BTG4: variants seen among roughly 807,000 people sequenced by gnomAD.
BTG4 encodes the protein BTG anti-proliferation factor 4, also known as protein BTG4.
BTG4 carries 10 observed loss-of-function variants against 19.3 expected under a neutral mutation model. The ratio of observed to expected loss-of-function variants is 0.52; its 90% CI spans 0.32 to 0.88. BTG4 has a LOEUF of 0.88. BTG4 is among the 40% of genes least tolerant of loss of function. The pLI, the probability that BTG4 is intolerant of heterozygous loss-of-function variation, is 0.04. For synonymous variants in BTG4, 91 were observed against 95.7 expected, an observed-to-expected ratio of 0.95 and a Z score of 0.29; for missense variants, 238 against 281.9, an observed-to-expected ratio of 0.84 and a Z score of 1.11.
the BTG4 span, among the ~76,000 whole-genome samples, chr11:111,401,208 C>A: frequency 6.6e-6 from 1 of 151,988 alleles, no homozygotes; most frequent in Admixed American, 6.6e-5. Flanking sequence ...AAGCTGGGGC[C>A]AGGCGCAGTG....
Position 111,471,885 on chromosome 11 carries a change from T to C in BTG4, c.663-4204A>G, listed in dbSNP as rs76109794. 1.2e-3 allele frequency among the ~76,000 whole-genome samples: 183 copies of C among 152,290 alleles called. 5 individuals are homozygous for C. The East Asian group carries it at 0.029, about 24-fold the overall frequency. On this transcript the variant is annotated intron_variant, in intron 5 of 5. Transcript: ENST00000356018. ...TGATAGAAACTGTTCTTCAGGTTTT[T>C]CAGGCCAAAGCATCCCTTGAAACTC...
the BTG4 span, among the ~76,000 whole-genome samples, chr11:111,413,325 G>C: frequency 6.6e-6 from 1 of 152,222 alleles, no homozygotes; most frequent in Non-Finnish European, 1.5e-5. Context: ...GCCCCATCCA[G>C]TTCCACTGAA....
At chr11:111,460,479 A>G in the BTG4 span, 1 of 152,376 alleles carries the variant, frequency 6.6e-6, no homozygotes, top group Admixed American at 6.5e-5. Flanking sequence ...ATACAAGGAC[A>G]ACTAGATAGG....
the BTG4 span, among the ~76,000 whole-genome samples, chr11:111,405,141 C>T: frequency 4.6e-5 from 7 of 152,266 alleles, no homozygotes; most frequent in South Asian, 1.4e-3. Flanking sequence ...CGCGGTGGCT[C>T]ATGCCTGTAA....
At chr11:111,473,002 C>T (rs566987496) in intron 5 of BTG4, among the ~76,000 whole-genome samples, 1 of 151,976 alleles carries the variant, frequency 6.6e-6, no homozygotes, top group Admixed American at 6.6e-5. Flanking sequence ...CATCATCTCA[C>T]TTAATCTTCT....
the BTG4 span, among the ~76,000 whole-genome samples, chr11:111,446,418 T>C: frequency 6.6e-6 from 1 of 152,122 alleles, no homozygotes; most frequent in African/African-American, 2.4e-5. Context: ...CATGGTCCAA[T>C]GAGGTCAGCC....
At chr11:111,504,560 G>A (rs925141788) in intron 1 of BTG4, among the ~76,000 whole-genome samples, 3 of 151,844 alleles carry the variant, frequency 2.0e-5, no homozygotes, top group African/African-American at 7.2e-5. Flanking sequence ...TTTATATAAC[G>A]TTTCAAGTTA....
the BTG4 span, among the ~76,000 whole-genome samples, chr11:111,395,456 G>A: frequency 2.6e-5 from 4 of 152,222 alleles, no homozygotes; most frequent in African/African-American, 9.6e-5. Flanking sequence ...CACTGAGCAG[G>A]TCCTGGGATC....
At chr11:111,480,510 T>A (rs1472845849) in intron 5 of BTG4, among the ~76,000 whole-genome samples, 29 of 152,018 alleles carry the variant, frequency 1.9e-4, no homozygotes, top group Admixed American at 1.9e-3. Context: ...AGGATGTACA[T>A]TCTTTTCAAG....
the BTG4 span, among the ~76,000 whole-genome samples, chr11:111,410,580 A>G: frequency 4.2e-3 from 633 of 152,294 alleles, 4 homozygotes; most frequent in African/African-American, 0.014. Flanking sequence ...CAAAAGACCA[A>G]AAGTAAGCAC....
At chr11:111,453,723 C>T in the BTG4 span, 1 of 357,746 alleles carries the variant, frequency 2.8e-6, no homozygotes, top group Non-Finnish European at 5.6e-6. Context: ...AAAATCTTTT[C>T]TGAGTGGTAC....
the BTG4 span, among the ~76,000 whole-genome samples, chr11:111,446,617 A>C: frequency 2.8e-5 from 4 of 141,608 alleles, no homozygotes; most frequent in Non-Finnish European, 6.1e-5. Context: ...AGATCATGAC[A>C]CCAATAAACA....
chr11:111,457,538 C>T, the BTG4 span: 1 of 152,762 alleles, frequency 6.5e-6, no homozygotes, highest in Non-Finnish European at 1.5e-5. Flanking sequence ...CCTCTTTCCA[C>T]CCTTCATCCT....
At chr11:111,417,611 C>T in the BTG4 span, 2 of 152,362 alleles carry the variant, frequency 1.3e-5, no homozygotes, top group East Asian at 3.9e-4. Context: ...TCTGCAATCA[C>T]TCCCTCATAG....
At chr11:111,477,945 C>T (rs760168821) in intron 5 of BTG4, among the ~76,000 whole-genome samples, 29 of 152,254 alleles carry the variant, frequency 1.9e-4, no homozygotes, top group Non-Finnish European at 3.7e-4. Flanking sequence ...GTCATCCCAG[C>T]CTCCTGCTAG....
the BTG4 span, among the ~76,000 whole-genome samples, chr11:111,386,726 G>C: frequency 6.6e-6 from 1 of 152,224 alleles, no homozygotes; most frequent in East Asian, 1.9e-4. Context: ...TTTAGGTCCA[G>C]TTAGGACAGT....
At chr11:111,498,548 G>T in intron 2 of BTG4, 56 bp downstream of exon 2, 1 of 1,459,782 alleles carries the variant, frequency 6.9e-7, no homozygotes, top group African/African-American at 1.4e-5. Context: ...TTTCCTAGGA[G>T]CTGGCTGGTT....
At chr11:111,467,359 G>A (rs1863780824), downstream of BTG4, among the ~76,000 whole-genome samples, 1 of 152,156 alleles carries the variant, frequency 6.6e-6, no homozygotes, top group Non-Finnish European at 1.5e-5. Context: ...TAAATTGATT[G>A]TCATATTTAG....
intron 1 of BTG4, among the ~76,000 whole-genome samples, chr11:111,510,549 C>T (rs968055614): frequency 6.6e-6 from 1 of 152,072 alleles, no homozygotes; most frequent in Non-Finnish European, 1.5e-5. Context: ...CCAGGCATGC[C>T]TAGACATGAA....
Sources: gnomAD v4.1 joint callset for allele counts (sites outside exome capture counted in the v4.1 genomes callset) on GRCh38, gnomAD v4.1.1 for gene constraint, MANE v1.5 for transcripts, NCBI Gene and HGNC (gene_info 2026-07-23, HGNC 2026-07-21) for gene names.